Variants in ITGAV observed in about 807,000 individuals in gnomAD.
ITGAV encodes the protein integrin subunit alpha V.
A neutral mutation model predicts 143.8 loss-of-function variants in ITGAV; 76 were observed. The ratio of observed to expected loss-of-function variants is 0.53; its 90% CI spans 0.44 to 0.64. The LOEUF (loss-of-function observed/expected upper bound fraction) is 0.64. ITGAV is among the 30% of genes least tolerant of loss of function. ITGAV has a pLI of 0.00. For synonymous variants in ITGAV, 453 were observed against 446.7 expected (o/e 1.01, Z -0.18); for missense variants, 1,193 against 1,274.7 (o/e 0.94, Z 0.98).
At chr2:186,660,917 T>C (rs1450475679) in intron 18 of ITGAV, among the ~76,000 whole-genome samples, 1 of 152,196 alleles carries the variant, frequency 6.6e-6, no homozygotes, top group Non-Finnish European at 1.5e-5. Flanking sequence ...TGTGTGTCTG[T>C]GTCCTAATCT....
intron 2 of ITGAV, among the ~76,000 whole-genome samples, chr2:186,613,021 TAGTC>T (rs1423534999): frequency 1.3e-5 from 2 of 152,152 alleles, no homozygotes; most frequent in African/African-American, 4.8e-5. Flanking sequence ...GTCATACAGT[TAGTC>T]AGTATTTTAA....
At chr2:186,633,408 CTA>C (rs1255524306) in intron 6 of ITGAV, 34 bp downstream of exon 6, 6 of 1,288,834 alleles carry the variant, frequency 4.7e-6, no homozygotes, top group South Asian at 1.3e-5. Context: ...CAATTGGTGA[CTA>C]TGTGTCGCTG....
At chr2:186,636,402 G>A (rs1227748064) in intron 7 of ITGAV, among the ~76,000 whole-genome samples, 195 bp downstream of exon 7, 1 of 152,154 alleles carries the variant, frequency 6.6e-6, no homozygotes, top group Non-Finnish European at 1.5e-5. Flanking sequence ...TGAAGACAGT[G>A]ATTATTTGTG....
intron 26 of ITGAV, among the ~76,000 whole-genome samples, chr2:186,672,785 G>A (rs1689101338): frequency 6.6e-6 from 1 of 152,088 alleles, no homozygotes; most frequent in African/African-American, 2.4e-5. Flanking sequence ...TTATTGTTGA[G>A]TTGCAAAGAG....
rs1029182002 is a variant in ITGAV, at chr2:186,659,272, T to C, written c.1857+97T>C. The C allele has an allele frequency of 2.2e-5, 18 of 817,616 alleles. No individual in the cohort carries two copies. The African/African-American group carries it at 3.2e-4, about 15-fold the overall frequency. The allele number at this position is 817,616 out of a possible 1,614,324, so 50.6% of individuals were successfully genotyped here. ...GAGGAGATTTCCTTTATCATATTGA[T>C]AGATGTTTAGTCAAAGTCAGAAGTT... is the stretch of plus-strand genomic sequence containing the variant. On this transcript the variant is annotated intron_variant, in intron 18 of 29. Transcript: ENST00000261023.
chr2:186,650,344 GCA>G (rs1348801473), intron 14 of ITGAV, among the ~76,000 whole-genome samples: 2 of 152,044 alleles, frequency 1.3e-5, no homozygotes, highest in African/African-American at 4.8e-5. Context: ...GGGGTTACAG[GCA>G]CATGCTACCA....
intron 8 of ITGAV, among the ~76,000 whole-genome samples, chr2:186,637,567 A>G (rs1322418066): frequency 6.6e-6 from 1 of 152,178 alleles, no homozygotes; most frequent in Non-Finnish European, 1.5e-5. Context: ...GAAATGAGGA[A>G]GATGTTAGCA....
At chr2:186,654,512 A>G in intron 15 of ITGAV, 138 bp from the exon 16 acceptor site, 1 of 517,132 alleles carries the variant, frequency 1.9e-6, no homozygotes, top group Non-Finnish European at 3.5e-6. Flanking sequence ...TCATGTTTTT[A>G]GAATAATATT....
At chr2:186,595,588 T>C (rs1686728692) in intron 1 of ITGAV, among the ~76,000 whole-genome samples, 1 of 152,054 alleles carries the variant, frequency 6.6e-6, no homozygotes, top group Non-Finnish European at 1.5e-5. Context: ...CTGTCCTCTC[T>C]CCCAAACTCA....
intron 2 of ITGAV, 55 bp downstream of exon 2, chr2:186,602,206 C>A: frequency 1.4e-6 from 2 of 1,446,582 alleles, no homozygotes; most frequent in Non-Finnish European, 1.9e-6. Flanking sequence ...TTTTTTTTTG[C>A]AATTGGTTTA....
Position 186,659,095 on chromosome 2 carries a change from T to C in ITGAV, c.1777T>C (p.Leu593=), listed in dbSNP as rs1429727971. 3 of 1,611,556 alleles carry C rather than the reference T, an allele frequency of 1.9e-6. No homozygotes were observed. Among genetic ancestry groups the C allele is most frequent in the Non-Finnish European group, 1.7e-6 (2 of 1,177,872 alleles). The stretch of plus-strand genomic sequence containing the variant: ...AATTACTATTTTTATGGAATATCGG[T>C]TGGATTATAGAACAGCTGCTGATAC... The part of the protein sequence containing the change: ...TPITIFMEYR[L]DYRTAADTTG... Residue 593 remains leucine, a synonymous_variant, in exon 18 of 30, where the codon TTG becomes CTG. Coordinates refer to ENST00000261023, the MANE Select transcript of ITGAV (RefSeq NM_002210.5).
chr2:186,631,032 C>T (rs1265963514), intron 5 of ITGAV, among the ~76,000 whole-genome samples, 174 bp downstream of exon 5: 4 of 152,104 alleles, frequency 2.6e-5, no homozygotes, highest in Non-Finnish European at 5.9e-5. Flanking sequence ...TATTCCCTCC[C>T]TAGTAAACAT....
In ITGAV at chr2:186,676,098, C is replaced by A. The variant is rs769485591; in HGVS notation, c.2928+171C>A. The stretch of plus-strand genomic sequence containing the variant: ...AATATTATCATTTTACTCCTTACCC[C>A]GAAGTGATTAAAGCTAGACCTTTTA... On this transcript the variant is annotated intron_variant, in intron 28 of 29. Coordinates refer to ENST00000261023, the MANE Select transcript of ITGAV (RefSeq NM_002210.5). 3 of 556,596 alleles carry A rather than the reference C, an allele frequency of 5.4e-6. No individual in the cohort carries two copies. The African/African-American group carries it at 5.7e-5, about 11-fold the overall frequency. 34.5% of individuals were successfully genotyped at this position (556,596 alleles called of 1,614,324 possible). A position where few individuals can be genotyped will look rare whatever the true frequency, so the allele number is the denominator to read the frequency against.
intron 12 of ITGAV, among the ~76,000 whole-genome samples, chr2:186,644,559 C>G (rs181429388): frequency 6.6e-6 from 1 of 150,658 alleles, no homozygotes; most frequent in Non-Finnish European, 1.5e-5. Context: ...CTCTTGACCT[C>G]GTGACCCACC....
At chr2:186,601,762 T>A (rs1337035547) in intron 1 of ITGAV, among the ~76,000 whole-genome samples, 1 of 152,150 alleles carries the variant, frequency 6.6e-6, no homozygotes, top group Non-Finnish European at 1.5e-5. Flanking sequence ...AAGTGTATGA[T>A]TGACCTGCAT....
At chr2:186,632,827 A>C (rs1486478757) in intron 5 of ITGAV, among the ~76,000 whole-genome samples, 1 of 152,158 alleles carries the variant, frequency 6.6e-6, no homozygotes, top group Non-Finnish European at 1.5e-5. Flanking sequence ...CAAATATGTG[A>C]AGCAGCCAAG....
At chr2:186,638,629 A>C (rs1315933946) in intron 10 of ITGAV, among the ~76,000 whole-genome samples, 164 bp downstream of exon 10, 1 of 70,670 alleles carries the variant, frequency 1.4e-5, no homozygotes, top group Non-Finnish European at 3.1e-5. Flanking sequence ...TTCTCTTTTG[A>C]GCGTGTGTGT....
rs773227703 is a variant in ITGAV at position 186,641,496 on chromosome 2, TC to T, written c.1069del (p.Gln357ArgfsTer5). On this transcript the variant is annotated frameshift_variant, in exon 12 of 30. Coordinates refer to ENST00000261023, the MANE Select transcript of ITGAV (RefSeq NM_002210.5). LOFTEE classifies it high-confidence loss of function. ...SVSLQRASGD[F>X]QTTKLNGFEV... ...TCTCTACAGAGAGCTTCAGGAGACT[TC>T]CAGACGACAAAGCTGAATGGATTTG... is the stretch of plus-strand genomic sequence containing the variant. The T allele has an allele frequency of 6.2e-7, 1 of 1,614,188 alleles. No individual in the cohort carries two copies. Among genetic ancestry groups the T allele is most frequent in the Middle Eastern group, 1.6e-4 (1 of 6,062 alleles).
chr2:186,676,596 C>G (rs1016212288), intron 28 of ITGAV, among the ~76,000 whole-genome samples: 3 of 152,008 alleles, frequency 2.0e-5, no homozygotes, highest in Admixed American at 6.6e-5. Context: ...AAAAGGAAAA[C>G]AAATCATGTC....
Sources: gnomAD v4.1 joint callset for allele counts (sites outside exome capture counted in the v4.1 genomes callset) on GRCh38, gnomAD v4.1.1 for gene constraint, MANE v1.5 for transcripts, NCBI Gene and HGNC (gene_info 2026-07-23, HGNC 2026-07-21) for gene names.